LGSN: variants seen among roughly 807,000 people sequenced by gnomAD.
LGSN encodes the protein lengsin.
A neutral mutation model predicts 19.5 loss-of-function variants in LGSN; 21 were observed. The ratio of observed to expected loss-of-function variants is 1.07; its 90% CI spans 0.76 to 1.55. The LOEUF is 1.55. LGSN is among the 40% of genes most tolerant of loss of function. The pLI is 0.00. For missense variants in LGSN, 673 were observed against 608.5 expected (o/e 1.11, Z -1.12); for synonymous variants, 257 against 215.6 (o/e 1.19, Z -1.68).
At chr6:63,499,599 C>T in the LGSN span, among the ~76,000 whole-genome samples, 1 of 152,064 alleles carries the variant, frequency 6.6e-6, no homozygotes, top group Non-Finnish European at 1.5e-5. Context: ...GCTTCAGGTG[C>T]ATAAAAATCT....
intron 2 of LGSN, among the ~76,000 whole-genome samples, chr6:63,287,943 C>T (rs1194303672): frequency 1.3e-5 from 2 of 151,898 alleles, no homozygotes; most frequent in Non-Finnish European, 2.9e-5. Flanking sequence ...TGGCTGGGTG[C>T]AGTGGCTCAA....
chr6:63,557,066 CAAGTA>C, the LGSN span, among the ~76,000 whole-genome samples: 1 of 152,094 alleles, frequency 6.6e-6, no homozygotes, highest in Non-Finnish European at 1.5e-5. Flanking sequence ...TATTATGTGC[CAAGTA>C]CTGTGTTAAG....
At chr6:63,570,904 C>T in the LGSN span, 1 of 152,108 alleles carries the variant, frequency 6.6e-6, no homozygotes, top group Non-Finnish European at 1.5e-5. Context: ...GAAATCTGTC[C>T]CTTTTTTTCG....
chr6:63,487,286 A>G, the LGSN span, among the ~76,000 whole-genome samples: 2 of 152,124 alleles, frequency 1.3e-5, no homozygotes, highest in Admixed American at 1.3e-4. Flanking sequence ...TATTATCTTG[A>G]TCAGGAAACA....
intron 2 of LGSN, 39 bp from the exon 3 acceptor site, chr6:63,285,792 T>A: frequency 6.4e-7 from 1 of 1,565,094 alleles, no homozygotes; most frequent in South Asian, 1.1e-5. Context: ...CACGAGATCA[T>A]GATGGACTGA....
chr6:63,329,102 T>C, the LGSN span, among the ~76,000 whole-genome samples: 1 of 152,330 alleles, frequency 6.6e-6, no homozygotes, highest in Non-Finnish European at 1.5e-5. Flanking sequence ...AATAGCCTGC[T>C]GGCACGAGGC....
chr6:63,567,104 T>C, the LGSN span, among the ~76,000 whole-genome samples: 2 of 152,342 alleles, frequency 1.3e-5, no homozygotes, highest in South Asian at 4.1e-4. Flanking sequence ...TTTCCTCCAC[T>C]GAAGTCTTGA....
the LGSN span, among the ~76,000 whole-genome samples, chr6:63,375,240 A>G: frequency 6.6e-6 from 1 of 152,092 alleles, no homozygotes; most frequent in Non-Finnish European, 1.5e-5. Flanking sequence ...AGAGCTGATA[A>G]AAAGCAGTAT....
the LGSN span, among the ~76,000 whole-genome samples, chr6:63,454,759 C>T: frequency 4.7e-5 from 7 of 150,014 alleles, no homozygotes; most frequent in Admixed American, 6.6e-5. Flanking sequence ...CGTGAGCCAC[C>T]GCGCCTGGCC....
the LGSN span, among the ~76,000 whole-genome samples, chr6:63,358,282 G>C: frequency 3.9e-5 from 6 of 152,194 alleles, no homozygotes; most frequent in East Asian, 1.2e-3. Context: ...CTCCAGCTTT[G>C]TTCTTTTGGC....
At chr6:63,325,974 T>C in the LGSN span, among the ~76,000 whole-genome samples, 1 of 152,266 alleles carries the variant, frequency 6.6e-6, no homozygotes, top group Non-Finnish European at 1.5e-5. Flanking sequence ...TCCCGCTGAT[T>C]GGTAGAGCCG....
chr6:63,336,519 CTGTGTGTGTGTGTGTGTG>C, the LGSN span, among the ~76,000 whole-genome samples: 14 of 132,104 alleles, frequency 1.1e-4, no homozygotes, highest in African/African-American at 2.6e-4. Flanking sequence ...TATAGAATAT[CTGTGTGTGTGTGTGTGTG>C]TGTGTGTGTG....
chr6:63,475,435 A>G, the LGSN span, among the ~76,000 whole-genome samples: 1 of 152,002 alleles, frequency 6.6e-6, no homozygotes, highest in Non-Finnish European at 1.5e-5. Flanking sequence ...GTTAATAGTT[A>G]TTACAAATCC....
chr6:63,351,418 A>T, the LGSN span, among the ~76,000 whole-genome samples: 5,590 of 145,316 alleles, frequency 0.038, 348 homozygotes, highest in African/African-American at 0.13. Context: ...TGTGTGTGTG[A>T]GAGAGAGAGA....
At chr6:63,360,369 C>CTT in the LGSN span, among the ~76,000 whole-genome samples, 1 of 152,074 alleles carries the variant, frequency 6.6e-6, no homozygotes. Context: ...TCTTTTTATT[C>CTT]TTTTTTCTCT....
chr6:63,572,355 G>C, the LGSN span: 16 of 284,188 alleles, frequency 5.6e-5, no homozygotes, highest in African/African-American at 2.6e-4. Context: ...GCGGAGTGAC[G>C]TCCGGAGGGG....
chr6:63,361,457 T>A, the LGSN span, among the ~76,000 whole-genome samples: 1 of 152,148 alleles, frequency 6.6e-6, no homozygotes, highest in South Asian at 2.1e-4. Flanking sequence ...CTCCGAGTCA[T>A]GCGCAGGATA....
the LGSN span, among the ~76,000 whole-genome samples, chr6:63,383,342 T>C: frequency 2.5e-4 from 38 of 149,684 alleles, no homozygotes; most frequent in African/African-American, 9.1e-4. Context: ...CCACACAAAA[T>C]AGCACATAAA....
chr6:63,493,192 T>C, the LGSN span, among the ~76,000 whole-genome samples: 1 of 152,148 alleles, frequency 6.6e-6, no homozygotes, highest in Non-Finnish European at 1.5e-5. Flanking sequence ...CTCTATCTGT[T>C]AGGAGAATTA....
Sources: gnomAD v4.1 joint callset for allele counts (sites outside exome capture counted in the v4.1 genomes callset) on GRCh38, gnomAD v4.1.1 for gene constraint, MANE v1.5 for transcripts, NCBI Gene and HGNC (gene_info 2026-07-23, HGNC 2026-07-21) for gene names.